The following NOX3 variants were observed in gnomAD, a reference collection of about 807,000 sequenced individuals.
The protein encoded by NOX3 is NADPH oxidase catalytic subunit-like 3.
NOX3 carries 74 observed loss-of-function variants against 76.7 expected under a neutral mutation model. That is an observed-to-expected ratio of 0.96 (90% CI 0.80 to 1.17). The LOEUF is 1.17. Among genes scored for constraint, NOX3 ranks in the 50% most tolerant of loss-of-function variants. NOX3 has a pLI of 0.00. For missense variants in NOX3, 695 were observed against 703.3 expected (o/e 0.99, Z 0.13); for synonymous variants, 263 against 261.1 (o/e 1.01, Z -0.07).
chr6:155,434,187 G>C (rs954759459), intron 7 of NOX3, among the ~76,000 whole-genome samples: 1 of 152,170 alleles, frequency 6.6e-6, no homozygotes, highest in African/African-American at 2.4e-5. Flanking sequence ...AATGCACTTA[G>C]GCACTCGGTG....
chr6:155,409,944 G>A (rs1391367506), intron 11 of NOX3, among the ~76,000 whole-genome samples: 2 of 152,126 alleles, frequency 1.3e-5, no homozygotes, highest in African/African-American at 4.8e-5. Flanking sequence ...CAGTTGGCAA[G>A]GAATACCTAG....
At chr6:155,445,896 TATA>T (rs1641817393) in intron 4 of NOX3, among the ~76,000 whole-genome samples, 2 of 129,022 alleles carry the variant, frequency 1.6e-5, no homozygotes, top group South Asian at 2.7e-4. Context: ...GCTATATATA[TATA>T]TTATATATAT....
intron 4 of NOX3, among the ~76,000 whole-genome samples, chr6:155,452,992 T>C (rs1777166976): frequency 6.6e-6 from 1 of 152,166 alleles, no homozygotes; most frequent in African/African-American, 2.4e-5. Flanking sequence ...TGATCTTTCT[T>C]TTCTTTTTTC....
chr6:155,399,378 C>T (rs1473849344), intron 12 of NOX3, among the ~76,000 whole-genome samples: 1 of 152,170 alleles, frequency 6.6e-6, no homozygotes, highest in Non-Finnish European at 1.5e-5. Context: ...TGGTGTTCTC[C>T]TGGTGTCCCC....
At chr6:155,407,022 T>C (rs1582927295) in intron 12 of NOX3, 108 bp downstream of exon 12, 2 of 1,214,972 alleles carry the variant, frequency 1.6e-6, no homozygotes, top group South Asian at 2.8e-5. Context: ...GTAGATGTTT[T>C]GTCTCTAATG....
intron 10 of NOX3, among the ~76,000 whole-genome samples, chr6:155,417,170 G>A (rs1247134318): frequency 6.6e-6 from 1 of 152,138 alleles, no homozygotes; most frequent in Non-Finnish European, 1.5e-5. Context: ...GACGGTGCCC[G>A]AAGTTATGCT....
intron 10 of NOX3, among the ~76,000 whole-genome samples, chr6:155,421,107 G>T (rs1057388081): frequency 6.6e-6 from 1 of 152,128 alleles, no homozygotes; most frequent in East Asian, 1.9e-4. Context: ...GAATCCCACC[G>T]TCTTCCTAAA....
At chr6:155,419,034 G>A (rs1776655955) in intron 10 of NOX3, among the ~76,000 whole-genome samples, 1 of 152,202 alleles carries the variant, frequency 6.6e-6, no homozygotes, top group African/African-American at 2.4e-5. Context: ...ACTTAAAATT[G>A]TGAAGACACC....
Position 155,422,760 on chromosome 6 carries a change from G to T in NOX3, c.1242C>A (p.Phe414Leu), listed in dbSNP as rs141696985. The change falls in exon 10 of 14, where the codon TTC (phenylalanine) becomes TTA (leucine). Residue 414 changes from phenylalanine to leucine, a missense_variant. Physicochemically the swap from Phe to Leu is conservative, Grantham distance 22. Transcript: ENST00000159060. ...CVAAGIGVTP[F>L]AALLKSIWYK... is the part of the protein sequence containing the mutation. ...ACCATATAGATTTCAGAAGAGCAGC[G>T]AAGGGAGTGACTCCGATCCCCGCGG... The T allele has an allele frequency of 2.5e-6, 4 of 1,614,132 alleles. No homozygotes were observed. The highest frequency in any genetic ancestry group is 2.5e-6 in the Non-Finnish European group (3 of 1,180,008).
At chr6:155,414,881 G>A (rs901064756) in intron 10 of NOX3, among the ~76,000 whole-genome samples, 3 of 152,006 alleles carry the variant, frequency 2.0e-5, no homozygotes, top group East Asian at 1.9e-4. Flanking sequence ...ACCCACCTCG[G>A]CCTCCCAAAG....
At chr6:155,425,882 C>A (rs1776749179) in intron 9 of NOX3, among the ~76,000 whole-genome samples, 1 of 152,162 alleles carries the variant, frequency 6.6e-6, no homozygotes, top group African/African-American at 2.4e-5. Context: ...TGAAAGAGCT[C>A]ACATTCTCTC....
intron 9 of NOX3, among the ~76,000 whole-genome samples, chr6:155,425,416 G>A (rs1776744079): frequency 6.6e-6 from 1 of 152,020 alleles, no homozygotes; most frequent in Non-Finnish European, 1.5e-5. Flanking sequence ...GATTTGTCTT[G>A]CCTGCATCCC....
rs559965286 is a variant in NOX3 at position 155,424,838 on chromosome 6, A to T, written c.1146-1982T>A. ...TTCAAATGTCTTACTGTTCATTTTTAAAAAATAATCAGTCATATTGGGAAT... is the reference window on the plus strand; with the variant it reads ...TTCAAATGTCTTACTGTTCATTTTTTAAAAATAATCAGTCATATTGGGAAT... On this transcript the variant is annotated intron_variant, in intron 9 of 13. Coordinates refer to ENST00000159060, the MANE Select transcript of NOX3 (RefSeq NM_015718.3). 1.4e-4 allele frequency among the ~76,000 whole-genome samples: 22 copies of T among 152,332 alleles called. 2 individuals are homozygous for T. The South Asian group carries it at 4.1e-3, about 29-fold the overall frequency.
At position 155,435,887 on chromosome 6, in the gene NOX3, A is replaced by G. The variant is rs536883825; in HGVS notation, c.798+531T>C. On this transcript the variant is annotated intron_variant, in intron 7 of 13. Coordinates refer to ENST00000159060, the MANE Select transcript of NOX3 (RefSeq NM_015718.3). ...ATTAAGTATCTTCTTGGCTAACATCATCATTATTTCAGTTACAGGAGCTTA... is the reference window on the plus strand; with the variant it reads ...ATTAAGTATCTTCTTGGCTAACATCGTCATTATTTCAGTTACAGGAGCTTA... Among the ~76,000 whole-genome samples, 181 of 152,374 alleles carry G rather than the reference A, an allele frequency of 1.2e-3. 1 individual carries two copies. In the Middle Eastern group the frequency reaches 0.017, roughly 14 times the overall value.
At chr6:155,405,908 G>C (rs1489356819) in intron 12 of NOX3, among the ~76,000 whole-genome samples, 5 of 152,136 alleles carry the variant, frequency 3.3e-5, no homozygotes, top group Non-Finnish European at 7.3e-5. Context: ...GCCTTCCCCT[G>C]TGTGAATAAA....
intron 9 of NOX3, among the ~76,000 whole-genome samples, chr6:155,424,331 A>T (rs1776729304): frequency 6.6e-6 from 1 of 152,136 alleles, no homozygotes; most frequent in Non-Finnish European, 1.5e-5. Flanking sequence ...TAATCCCAGC[A>T]CTCCCTGACA....
rs1776959125 is a variant in NOX3 at position 155,439,944 on chromosome 6, G to A, written c.668+12C>T. On this transcript the variant is annotated intron_variant, in intron 6 of 13. Transcript: ENST00000159060. ...GATAAAATCCTTGCAGAGGAGCGCAGTATGGACTTACCCCGTCCCATGGAT... is the reference window on the plus strand; with the variant it reads ...GATAAAATCCTTGCAGAGGAGCGCAATATGGACTTACCCCGTCCCATGGAT... The A allele has an allele frequency of 1.2e-6, 2 of 1,610,274 alleles. No individual in the cohort carries two copies. The highest frequency in any genetic ancestry group is 1.3e-5 in the African/African-American group (1 of 74,874).
intron 8 of NOX3, 122 bp from the exon 9 acceptor site, chr6:155,429,169 A>T: frequency 1.1e-6 from 1 of 940,002 alleles, no homozygotes; most frequent in East Asian, 2.7e-5. Context: ...TACATATCCC[A>T]TCTGCTGTTA....
At chr6:155,395,660 A>G (rs1296560073) in intron 13 of NOX3, 86 bp from the exon 14 acceptor site, 1 of 152,212 alleles carries the variant, frequency 6.6e-6, no homozygotes, top group African/African-American at 2.4e-5. Flanking sequence ...GCTAAACTTC[A>G]AAACAATCTT....
Sources: allele counts gnomAD v4.1 joint callset (sites outside exome capture counted in the v4.1 genomes callset), GRCh38; gene constraint gnomAD v4.1.1; transcripts MANE v1.5; gene names NCBI Gene and HGNC (gene_info 2026-07-23, HGNC 2026-07-21).